EMCN: variants seen among roughly 807,000 people sequenced by gnomAD.
EMCN encodes the protein endomucin, also known as MUC-14.
A neutral mutation model predicts 38.4 loss-of-function variants in EMCN; 37 were observed. The ratio of observed to expected loss-of-function variants is 0.96; its 90% CI spans 0.74 to 1.27. The LOEUF is 1.27. Among genes scored for constraint, EMCN ranks in the 50% most tolerant of loss-of-function variants. EMCN has a pLI of 0.00. For synonymous variants in EMCN, 95 were observed against 100.8 expected, an observed-to-expected ratio of 0.94 and a Z score of 0.35; for missense variants, 318 against 302.8, an observed-to-expected ratio of 1.05 and a Z score of -0.37.
At chr4:100,478,664 T>C (rs1316624138) in intron 2 of EMCN, among the ~76,000 whole-genome samples, 1 of 152,176 alleles carries the variant, frequency 6.6e-6, no homozygotes, top group Non-Finnish European at 1.5e-5. Flanking sequence ...TACAGTATTC[T>C]CTACTTTCGG....
rs1726947305 is a variant in EMCN, at chr4:100,423,386, T to A, written c.434A>T (p.Asp145Val). 1 of 1,612,514 alleles carries A rather than the reference T, an allele frequency of 6.2e-7. No homozygotes were observed. Among genetic ancestry groups the A allele is most frequent in the African/African-American group, 1.3e-5 (1 of 74,972 alleles). Residue 145 changes from aspartate (D) to valine (V), a missense_variant, in exon 6 of 12, where the codon GAT becomes GTT. Transcript: ENST00000296420. ...TGTACCAGTTTTAGAAGGTGATGCATCTGGTTGTAGAACACTACCTGTATG... is the reference window on the plus strand; with the variant it reads ...TGTACCAGTTTTAGAAGGTGATGCAACTGGTTGTAGAACACTACCTGTATG... ...TEIPGSVLQP[D>V]ASPSKTGTLT...
intron 1 of EMCN, chr4:100,483,473 T>C (rs1010586780): frequency 2.0e-5 from 3 of 152,030 alleles, no homozygotes; most frequent in African/African-American, 4.8e-5. Flanking sequence ...AATGAGGAAA[T>C]AGACAAAATA....
At chr4:100,469,978 C>A (rs1175398851) in intron 3 of EMCN, among the ~76,000 whole-genome samples, 1 of 151,850 alleles carries the variant, frequency 6.6e-6, no homozygotes, top group Admixed American at 6.6e-5. Flanking sequence ...AGGACATAAG[C>A]ATGGGCAAAG....
At chr4:100,413,313 G>C (rs1449410766) in intron 10 of EMCN, among the ~76,000 whole-genome samples, 1 of 151,894 alleles carries the variant, frequency 6.6e-6, no homozygotes, top group African/African-American at 2.4e-5. Context: ...TATATAGGCA[G>C]CAGTAGAAAA....
chr4:100,422,964 C>A, intron 7 of EMCN, 57 bp downstream of exon 7: 2 of 1,530,068 alleles, frequency 1.3e-6, no homozygotes, highest in South Asian at 2.2e-5. Flanking sequence ...CTTTACTGGT[C>A]ACATTCAAAC....
chr4:100,405,874 G>GT (rs59559618), intron 11 of EMCN, among the ~76,000 whole-genome samples: 2,198 of 151,794 alleles, frequency 0.014, 60 homozygotes, highest in African/African-American at 0.051. Flanking sequence ...GGTTGGTAGG[G>GT]TTTTTTTATT....
chr4:100,475,251 C>A, intron 2 of EMCN, 142 bp from the exon 3 acceptor site: 1 of 340,540 alleles, frequency 2.9e-6, no homozygotes. Flanking sequence ...TTCGTTTTGT[C>A]TAAAGAATAT....
intron 4 of EMCN, among the ~76,000 whole-genome samples, chr4:100,461,226 A>G (rs1728169399): frequency 6.6e-6 from 1 of 152,062 alleles, no homozygotes; most frequent in Non-Finnish European, 1.5e-5. Flanking sequence ...TCACTTCTTG[A>G]CTTTATTTAG....
At chr4:100,459,467 C>T (rs1474729160) in intron 4 of EMCN, among the ~76,000 whole-genome samples, 1 of 152,004 alleles carries the variant, frequency 6.6e-6, no homozygotes, top group Non-Finnish European at 1.5e-5. Flanking sequence ...GTAGAAAATA[C>T]ATTATTATTA....
intron 11 of EMCN, among the ~76,000 whole-genome samples, chr4:100,408,197 C>A (rs1726448515): frequency 6.6e-6 from 1 of 152,194 alleles, no homozygotes; most frequent in Admixed American, 6.5e-5. Flanking sequence ...CATTGCCATC[C>A]AGATTCTGAA....
chr4:100,448,184 G>C (rs929120147), intron 4 of EMCN, among the ~76,000 whole-genome samples: 10 of 152,196 alleles, frequency 6.6e-5, no homozygotes, highest in African/African-American at 2.4e-4. Flanking sequence ...AGAGCTTTCT[G>C]CAAGGAAAGT....
intron 5 of EMCN, among the ~76,000 whole-genome samples, chr4:100,435,849 C>T (rs2651539): frequency 0.28 from 42,682 of 152,022 alleles, 7,516 homozygotes; most frequent in Non-Finnish European, 0.4. Context: ...AACTGGACCC[C>T]TTCCTTATAC....
intron 1 of EMCN, among the ~76,000 whole-genome samples, chr4:100,506,271 G>A (rs981972940): frequency 6.6e-6 from 1 of 152,122 alleles, no homozygotes; most frequent in African/African-American, 2.4e-5. Flanking sequence ...GGCAAGCCTA[G>A]TTAATTGTAG....
At chr4:100,494,640 G>T (rs1418685197) in intron 1 of EMCN, among the ~76,000 whole-genome samples, 2 of 152,078 alleles carry the variant, frequency 1.3e-5, no homozygotes, top group Admixed American at 1.3e-4. Context: ...GGACAGAAAT[G>T]ATAATTATCT....
rs1216490383 is a variant in EMCN at position 100,453,329 on chromosome 4, AAAAC to A, written c.377-5762_377-5759del. Among the ~76,000 whole-genome samples the A allele has an allele frequency of 3.3e-5, 5 of 152,102 alleles. No homozygotes were observed. In the East Asian group the frequency reaches 7.7e-4, roughly 23 times the overall value. On this transcript the variant is annotated intron_variant, in intron 4 of 11. Coordinates refer to ENST00000296420, the MANE Select transcript of EMCN (RefSeq NM_016242.4). ...TGAACTCAAACAAATTTACAAGAAA[AAAAC>A]AAACAACCCCATCAAAAAGTGGGCA...
intron 6 of EMCN, 79 bp from the exon 7 acceptor site, chr4:100,423,159 G>C: frequency 6.9e-7 from 1 of 1,444,254 alleles, no homozygotes; most frequent in Non-Finnish European, 9.7e-7. Context: ...CTCATTTAAG[G>C]AAACAGCCAT....
intron 2 of EMCN, among the ~76,000 whole-genome samples, chr4:100,479,460 G>A (rs1408074912): frequency 1.3e-5 from 2 of 151,908 alleles, no homozygotes; most frequent in African/African-American, 4.8e-5. Context: ...TTGTCACTCA[G>A]TCCAGCAACA....
chr4:100,415,005 C>T (rs1578396449), intron 10 of EMCN, among the ~76,000 whole-genome samples: 1 of 152,280 alleles, frequency 6.6e-6, no homozygotes, highest in South Asian at 2.1e-4. Flanking sequence ...CAGCATTTCT[C>T]CTGCCTCAGT....
At chr4:100,461,197 C>G (rs1477937971) in intron 4 of EMCN, among the ~76,000 whole-genome samples, 1 of 152,154 alleles carries the variant, frequency 6.6e-6, no homozygotes, top group Non-Finnish European at 1.5e-5. Flanking sequence ...TTTGAATTCT[C>G]TCCCAGATAT....
Sources: gnomAD v4.1 joint callset for allele counts (sites outside exome capture counted in the v4.1 genomes callset) on GRCh38, gnomAD v4.1.1 for gene constraint, MANE v1.5 for transcripts, NCBI Gene and HGNC (gene_info 2026-07-23, HGNC 2026-07-21) for gene names.